The following ZNF451 variants were observed in gnomAD, a reference collection of about 807,000 sequenced individuals.
ZNF451 encodes the protein zinc finger protein 451.
In ZNF451, 80 loss-of-function variants were observed where a neutral mutation model predicts 107.1. The ratio of observed to expected loss-of-function variants is 0.75; its 90% CI spans 0.62 to 0.90. The LOEUF is 0.90. Among genes scored for constraint, ZNF451 ranks in the 40% least tolerant of loss-of-function variants. The probability of loss-of-function intolerance (pLI) is 0.00; values close to 1 mark genes in which losing one functional copy is unlikely to be tolerated. For missense variants in ZNF451, 1,107 were observed against 1,236.2 expected, an observed-to-expected ratio of 0.90 and a Z score of 1.57; for synonymous variants, 362 against 406.5, an observed-to-expected ratio of 0.89 and a Z score of 1.32.
intron 7 of ZNF451, among the ~76,000 whole-genome samples, chr6:57,138,729 A>ATGTGTGTGTGTG (rs1168633668): frequency 1.8e-4 from 20 of 114,044 alleles, no homozygotes; most frequent in African/African-American, 2.3e-4. Flanking sequence ...ATATATATAT[A>ATGTGTGTGTGTG]TATATATATA....
intron 3 of ZNF451, among the ~76,000 whole-genome samples, chr6:57,114,252 G>T (rs913300751): frequency 2.0e-5 from 3 of 152,122 alleles, no homozygotes; most frequent in African/African-American, 7.2e-5. Context: ...AATAGAGAAA[G>T]GTCAGGTCTA....
intron 2 of ZNF451, among the ~76,000 whole-genome samples, chr6:57,095,269 A>G (rs1430906902): frequency 6.6e-6 from 1 of 150,864 alleles, no homozygotes; most frequent in Non-Finnish European, 1.5e-5. Flanking sequence ...TATTTGTTGA[A>G]TGTATAAATA....
At position 57,128,761 on chromosome 6, in the gene ZNF451, A is replaced by G. The variant is rs1831045678; in HGVS notation, c.345A>G (p.Leu115=). Residue 115 remains leucine (L), a synonymous_variant, in exon 5 of 15, where the codon TTA becomes TTG. Coordinates refer to ENST00000370706, the MANE Select transcript of ZNF451 (RefSeq NM_001031623.3). ...TTGATTTTCAGCATGCTCATGGGTT[A>G]CAAGAATTGGAATTTATTCGAGGAC... The part of the protein sequence containing the change: ...EKIDFQHAHG[L]QELEFIRGHS... The G allele has an allele frequency of 6.2e-7, 1 of 1,612,624 alleles. No individual in the cohort carries two copies. The highest frequency in any genetic ancestry group is 1.3e-5 in the African/African-American group (1 of 74,792).
chr6:57,125,909 T>G (rs369708205), intron 4 of ZNF451, among the ~76,000 whole-genome samples: 29 of 152,264 alleles, frequency 1.9e-4, no homozygotes, highest in African/African-American at 6.7e-4. Context: ...TATTCAATTT[T>G]AAGGAAGTTC....
intron 3 of ZNF451, among the ~76,000 whole-genome samples, chr6:57,110,903 C>CTT (rs59117896): frequency 1.4e-4 from 20 of 140,910 alleles, no homozygotes; most frequent in South Asian, 4.6e-4. Context: ...CCTTTACCTT[C>CTT]TTTTTTTTTT....
In ZNF451 at chr6:57,165,799, A is replaced by C. The variant is rs150676175; in HGVS notation, c.3140-2624A>C. ...ACCTGTATAGCATGTTATTGTGCTG[A>C]ATACTGTAGACATTGTAACATAATG... On this transcript the variant is annotated intron_variant, in intron 14 of 14. Transcript: ENST00000370706. The C allele has an allele frequency of 3.9e-5, 6 of 152,340 alleles. No individual in the cohort carries two copies. In the East Asian group the frequency reaches 1.2e-3, roughly 29 times the overall value. The allele number at this position is 152,340 out of a possible 1,614,324, so 9.4% of individuals were successfully genotyped here. A position where few individuals can be genotyped will look rare whatever the true frequency, so the allele number is the denominator to read the frequency against.
chr6:57,106,143 A>G lies in ZNF451; in HGVS notation c.186+7002A>G, dbSNP rs943346359. The G allele has an allele frequency of 4.1e-6, 4 of 985,258 alleles. No individual in the cohort carries two copies. In the African/African-American group the frequency reaches 7.0e-5, roughly 17 times the overall value. 61.0% of individuals were successfully genotyped at this position (985,258 alleles called of 1,614,324 possible). On this transcript the variant is annotated intron_variant, in intron 3 of 14. Coordinates refer to ENST00000370706, the MANE Select transcript of ZNF451 (RefSeq NM_001031623.3). Reference sequence around the variant, plus strand: ...ACTGTAAACAAGGAGGTTGAAAAAGACACATTCCGGAATCCCTTTGTCTGG... The same window carrying G: ...ACTGTAAACAAGGAGGTTGAAAAAGGCACATTCCGGAATCCCTTTGTCTGG...
chr6:57,135,289 A>G (rs571317567), intron 7 of ZNF451, among the ~76,000 whole-genome samples: 15 of 152,324 alleles, frequency 9.8e-5, no homozygotes, highest in African/African-American at 3.6e-4. Context: ...AAGCTATGTC[A>G]TATAATTCTA....
chr6:57,110,884 T>C (rs1046646333), intron 3 of ZNF451, among the ~76,000 whole-genome samples: 2 of 151,822 alleles, frequency 1.3e-5, no homozygotes, highest in African/African-American at 4.8e-5. Flanking sequence ...TTTTCCTTGC[T>C]GTTGGCCACC....
At chr6:57,096,544 C>T (rs1211786954) in intron 2 of ZNF451, among the ~76,000 whole-genome samples, 1 of 138,110 alleles carries the variant, frequency 7.2e-6, no homozygotes, top group African/African-American at 2.7e-5. Context: ...TGTCATCTTT[C>T]ATCTTCTTCT....
chr6:57,123,037 G>GT (rs889165685), intron 3 of ZNF451, among the ~76,000 whole-genome samples: 20 of 152,228 alleles, frequency 1.3e-4, no homozygotes, highest in Admixed American at 1.3e-3. Flanking sequence ...GTGTGGTGGT[G>GT]TGCACCTGTA....
Position 57,123,555 on chromosome 6 carries a change from A to G in ZNF451, c.187-1179A>G, listed in dbSNP as rs192402992. Among the ~76,000 whole-genome samples, 15 of 152,200 alleles carry G rather than the reference A, an allele frequency of 9.9e-5. No individual in the cohort carries two copies. In the East Asian group the frequency reaches 2.3e-3, roughly 24 times the overall value. Reference sequence around the variant, plus strand: ...GGGGACAAGGGCTGAAAAACTTCCTATTGGATACTATGTTCACTCTCTGGG... The same window carrying G: ...GGGGACAAGGGCTGAAAAACTTCCTGTTGGATACTATGTTCACTCTCTGGG... On this transcript the variant is annotated intron_variant, in intron 3 of 14. Transcript: ENST00000370706.
intron 3 of ZNF451, chr6:57,099,656 T>TAC: frequency 1.6e-6 from 1 of 621,584 alleles, no homozygotes; most frequent in Non-Finnish European, 2.9e-6. Flanking sequence ...TGGAGTTATT[T>TAC]ATCTTACCTG....
At chr6:57,124,321 G>A (rs1593120983) in intron 3 of ZNF451, 2 of 679,150 alleles carry the variant, frequency 2.9e-6, no homozygotes, top group African/African-American at 1.8e-5. Context: ...GCTCGTCCAC[G>A]CTAAGCATCC....
chr6:57,166,957 T>G (rs1266449860), intron 14 of ZNF451, among the ~76,000 whole-genome samples: 1 of 152,246 alleles, frequency 6.6e-6, no homozygotes, highest in African/African-American at 2.4e-5. Context: ...TTGTTTTTTA[T>G]AGTCTTTCAG....
At position 57,134,967 on chromosome 6, in the gene ZNF451, G is replaced by C; in HGVS notation, c.702+97G>C. On this transcript the variant is annotated intron_variant, in intron 7 of 14. Coordinates refer to ENST00000370706, the MANE Select transcript of ZNF451 (RefSeq NM_001031623.3). ...GCTGTTCTTAAGCTTGCAATTACCA[G>C]TGATACACATAAGTATCAAAACTGT... 2.1e-6 allele frequency: 2 copies of C among 971,198 alleles called. 1 individual carries two copies. The highest frequency in any genetic ancestry group is 7.0e-4 in the Middle Eastern group (2 of 2,860). 60.2% of individuals were successfully genotyped at this position (971,198 alleles called of 1,614,324 possible). A position where few individuals can be genotyped will look rare whatever the true frequency, so the allele number is the denominator to read the frequency against.
rs1193419205 is a variant in ZNF451 at position 57,168,523 on chromosome 6, A to G, written c.*54A>G. ...GGCCTTGAAGAGACTGAGATAACGAATTCTTGAGTTTGTTTTCTAAAGGAG... is the reference window on the plus strand; with the variant it reads ...GGCCTTGAAGAGACTGAGATAACGAGTTCTTGAGTTTGTTTTCTAAAGGAG... On this transcript the variant is annotated 3_prime_UTR_variant, in exon 15 of 15. Transcript: ENST00000370706. The G allele has an allele frequency of 1.4e-6, 2 of 1,412,070 alleles. No homozygotes were observed. The highest frequency in any genetic ancestry group is 2.8e-5 in the African/African-American group (2 of 70,228). 87.5% of individuals were successfully genotyped at this position (1,412,070 alleles called of 1,614,324 possible). A position where few individuals can be genotyped will look rare whatever the true frequency, so the allele number is the denominator to read the frequency against.
At chr6:57,150,240 C>G (rs1832281497) in intron 10 of ZNF451, among the ~76,000 whole-genome samples, 1 of 152,090 alleles carries the variant, frequency 6.6e-6, no homozygotes, top group Admixed American at 6.5e-5. Flanking sequence ...TTTCTGCTCT[C>G]TAGGGTGTTT....
At chr6:57,150,928 A>C (rs760164016) in intron 11 of ZNF451, 66 bp downstream of exon 11, 1 of 1,578,162 alleles carries the variant, frequency 6.3e-7, no homozygotes, top group Non-Finnish European at 8.7e-7. Context: ...TCAGTTTAAA[A>C]GGCTCCTCTT....
Sources: gnomAD v4.1 joint callset for allele counts (sites outside exome capture counted in the v4.1 genomes callset) on GRCh38, gnomAD v4.1.1 for gene constraint, MANE v1.5 for transcripts, NCBI Gene and HGNC (gene_info 2026-07-23, HGNC 2026-07-21) for gene names.